DTNA: variants seen among roughly 807,000 people sequenced by gnomAD.
DTNA encodes dystrophin-related protein 3.
A neutral mutation model predicts 100.7 loss-of-function variants in DTNA; 43 were observed. The ratio of observed to expected loss-of-function variants is 0.43; its 90% CI spans 0.33 to 0.55. The LOEUF is 0.55. Among genes scored for constraint, DTNA ranks in the 20% least tolerant of loss-of-function variants. The probability of loss-of-function intolerance (pLI) is 0.04; values close to 1 mark genes in which losing one functional copy is unlikely to be tolerated. For missense variants in DTNA, 798 were observed against 953.9 expected, an observed-to-expected ratio of 0.84 and a Z score of 2.15; for synonymous variants, 349 against 347.9, an observed-to-expected ratio of 1.00 and a Z score of -0.04.
rs2096803532 is a variant in DTNA, at chr18:34,875,247, G to A, written c.1752G>A (p.Gly584=). Residue 584 remains glycine, a synonymous_variant, in exon 18 of 23, where the codon GGG becomes GGA. Transcript: ENST00000444659. ...CTGCATTGTCTCTCCAGACTCAGGG[G>A]GCAGGCTCTCCCCGCTCCTCCCCCA... ...EGLMKLLKTQ[G]AGSPRSSPSH... is the part of the protein sequence containing the mutation. The A allele has an allele frequency of 6.2e-7, 1 of 1,613,882 alleles. No individual in the cohort carries two copies. The highest frequency in any genetic ancestry group is 1.7e-5 in the Admixed American group (1 of 60,004).
At chr18:34,604,037 G>A (rs2052498978) in intron 1 of DTNA, among the ~76,000 whole-genome samples, 1 of 152,194 alleles carries the variant, frequency 6.6e-6, no homozygotes, top group African/African-American at 2.4e-5. Context: ...TCCTAAATAT[G>A]TGTTATAGTT....
chr18:34,747,104 C>CTATATCTATATATATATATATATATATA (rs1555757664), intron 1 of DTNA, among the ~76,000 whole-genome samples: 1 of 148,228 alleles, frequency 6.7e-6, no homozygotes, highest in African/African-American at 2.5e-5. Flanking sequence ...ATATCTGTAT[C>CTATATCTATATATATATATATATATATA]TATATATATA....
chr18:34,777,138 G>A (rs777517657), intron 3 of DTNA, among the ~76,000 whole-genome samples: 5 of 152,162 alleles, frequency 3.3e-5, no homozygotes, highest in Non-Finnish European at 5.9e-5. Flanking sequence ...GCTATGCTAT[G>A]TAATTTACTT....
intron 1 of DTNA, among the ~76,000 whole-genome samples, chr18:34,627,801 T>C (rs1449024262): frequency 6.6e-6 from 1 of 152,222 alleles, no homozygotes; most frequent in Non-Finnish European, 1.5e-5. Flanking sequence ...GTGTGCTAAG[T>C]CTGGGCAAAA....
intron 16 of DTNA, among the ~76,000 whole-genome samples, chr18:34,859,311 C>G (rs1042594998): frequency 6.9e-6 from 1 of 144,140 alleles, no homozygotes. Context: ...AATGAAGCAA[C>G]GAAAGCAGAT....
At chr18:34,573,767 A>C (rs905783979) in intron 1 of DTNA, among the ~76,000 whole-genome samples, 6 of 152,230 alleles carry the variant, frequency 3.9e-5, no homozygotes, top group Admixed American at 3.9e-4. Flanking sequence ...TACTAACTAC[A>C]GCCACCATGT....
rs564006952 is a variant in DTNA, at chr18:34,782,452, A to G, written c.149-11585A>G. ...CATTCAGGAAAAAACTTGTTTATTA[A>G]TAACTATGGAAAATATGTAGTGTCA... On this transcript the variant is annotated intron_variant, in intron 3 of 22. Coordinates refer to ENST00000444659, the MANE Select transcript of DTNA (RefSeq NM_001386795.1). Among the ~76,000 whole-genome samples the G allele has an allele frequency of 3.7e-4, 56 of 152,340 alleles. 1 individual carries two copies. The highest frequency in any genetic ancestry group is 7.2e-4 in the Non-Finnish European group (49 of 68,028).
chr18:34,573,797 A>C (rs890243941), intron 1 of DTNA, among the ~76,000 whole-genome samples: 3 of 152,162 alleles, frequency 2.0e-5, no homozygotes, highest in Non-Finnish European at 2.9e-5. Flanking sequence ...GATCTTTTGA[A>C]CTTATTCCTC....
chr18:34,507,886 C>G (rs2040649518), intron 1 of DTNA, among the ~76,000 whole-genome samples: 1 of 152,094 alleles, frequency 6.6e-6, no homozygotes, highest in South Asian at 2.1e-4. Context: ...GAAAAATATG[C>G]TAAATTTATG....
chr18:34,762,979 A>AAATTTC (rs2093275459), intron 2 of DTNA, among the ~76,000 whole-genome samples: 1 of 152,084 alleles, frequency 6.6e-6, no homozygotes, highest in Non-Finnish European at 1.5e-5. Flanking sequence ...TTCCCCCAGG[A>AAATTTC]CTTCAATCAG....
chr18:34,673,465 C>T (rs1193448889), intron 1 of DTNA, among the ~76,000 whole-genome samples: 2 of 149,170 alleles, frequency 1.3e-5, no homozygotes, highest in Non-Finnish European at 3.0e-5. Flanking sequence ...TCTCGATAAG[C>T]AACTGTCTTA....
chr18:34,571,045 C>T lies in DTNA; in HGVS notation c.-2+77531C>T, dbSNP rs1422423779. 2.0e-5 allele frequency among the ~76,000 whole-genome samples: 3 copies of T among 152,294 alleles called. No individual in the cohort carries two copies. The East Asian group carries it at 5.8e-4, about 29-fold the overall frequency. ...AGCCTTTGTAAGGTATATAGTGTTA[C>T]ATTCTTTTCACAGATAAGGACACTG... On this transcript the variant is annotated intron_variant, in intron 1 of 19. Transcript: ENST00000283365.
intron 1 of DTNA, among the ~76,000 whole-genome samples, chr18:34,508,299 A>G (rs1352777802): frequency 6.6e-6 from 1 of 152,194 alleles, no homozygotes; most frequent in Admixed American, 6.6e-5. Context: ...AGATCTTGTC[A>G]CATAGTATTG....
chr18:34,712,726 T>A (rs984334293), intron 1 of DTNA, among the ~76,000 whole-genome samples: 4 of 152,190 alleles, frequency 2.6e-5, no homozygotes, highest in African/African-American at 9.6e-5. Flanking sequence ...TTATGCTTTC[T>A]TGTTAATTTT....
intron 10 of DTNA, among the ~76,000 whole-genome samples, chr18:34,828,864 T>C (rs938570399): frequency 1.3e-5 from 2 of 152,206 alleles, no homozygotes; most frequent in African/African-American, 4.8e-5. Context: ...ATTTTTTTTT[T>C]CTGGAATGAA....
intron 2 of DTNA, among the ~76,000 whole-genome samples, chr18:34,756,745 A>G (rs2092800077): frequency 6.6e-6 from 1 of 152,218 alleles, no homozygotes; most frequent in South Asian, 2.1e-4. Flanking sequence ...ATTGGTTGGT[A>G]GCATCTCCCT....
intron 16 of DTNA, among the ~76,000 whole-genome samples, chr18:34,859,366 G>A (rs574558734): frequency 5.3e-5 from 8 of 152,338 alleles, no homozygotes; most frequent in South Asian, 2.1e-4. Flanking sequence ...GCCAGCTCCC[G>A]TAAGCGGTTC....
intron 1 of DTNA, among the ~76,000 whole-genome samples, chr18:34,712,141 G>A (rs1375325662): frequency 6.6e-6 from 1 of 151,554 alleles, no homozygotes; most frequent in African/African-American, 2.4e-5. Flanking sequence ...AATAAAAGAG[G>A]GAAAGAAGAA....
chr18:34,786,781 G>A (rs1290996331), intron 3 of DTNA, among the ~76,000 whole-genome samples: 1 of 152,006 alleles, frequency 6.6e-6, no homozygotes, highest in Non-Finnish European at 1.5e-5. Flanking sequence ...ACCTTCTTAG[G>A]GATTAAGCCT....
Sources: gnomAD v4.1 joint callset for allele counts (sites outside exome capture counted in the v4.1 genomes callset) on GRCh38, gnomAD v4.1.1 for gene constraint, MANE v1.5 for transcripts, NCBI Gene and HGNC (gene_info 2026-07-23, HGNC 2026-07-21) for gene names.